Variants in SCRIB observed in about 807,000 individuals in gnomAD.
The protein encoded by SCRIB is scribble planar cell polarity protein, also known as protein scribble homolog.
A neutral mutation model predicts 170.0 loss-of-function variants in SCRIB; 72 were observed. That is an observed-to-expected ratio of 0.42 (90% CI 0.35 to 0.52). SCRIB has a LOEUF of 0.52. SCRIB is among the 20% of genes least tolerant of loss of function. SCRIB has a pLI of 0.02. For synonymous variants in SCRIB, 1,298 were observed against 1,044.3 expected, an observed-to-expected ratio of 1.24 and a Z score of -4.68; for missense variants, 2,475 against 2,338.5, an observed-to-expected ratio of 1.06 and a Z score of -1.20.
Position 143,804,704 on chromosome 8 carries a change from G to T in SCRIB, c.2873C>A (p.Pro958His). 1 of 1,581,016 alleles carries T rather than the reference G, an allele frequency of 6.3e-7. No homozygotes were observed. The highest frequency in any genetic ancestry group is 8.6e-7 in the Non-Finnish European group (1 of 1,162,528). The change falls in exon 21 of 37, where the codon CCT becomes CAT. Residue 958 changes from proline to histidine, a missense_variant. Around this residue, in one of 3 missense-constraint regions of SCRIB, gnomAD observed 1,966 missense variants for 1,742.9 expected, o/e 1.13. Coordinates refer to ENST00000356994, the MANE Select transcript of SCRIB (RefSeq NM_182706.5). ...GGTGGGGGGTGAGGAATGTGGCAGA[G>T]GGCTGGGAGGAAGAGGGCCCCCAGC... ...REAGGPLPPSPLPHSSPPTAA... is the reference protein window; with the variant it reads ...REAGGPLPPSHLPHSSPPTAA...
chr8:143,791,845 T>C (rs781809249), intron 34 of SCRIB, 31 bp downstream of exon 34: 1 of 1,447,150 alleles, frequency 6.9e-7, no homozygotes, highest in South Asian at 1.4e-5. Flanking sequence ...GCCTCGGGGG[T>C]GAAGGGAAGG....
intron 21 of SCRIB, 41 bp downstream of exon 21, chr8:143,804,527 C>T: frequency 3.4e-6 from 5 of 1,483,058 alleles, no homozygotes; most frequent in Non-Finnish European, 4.5e-6. Flanking sequence ...GTGCCCACAG[C>T]TGAAGCTGGG....
At position 143,790,998 on chromosome 8, in the gene SCRIB, G is replaced by T; in HGVS notation, c.*165C>A. On this transcript the variant is annotated 3_prime_UTR_variant, in exon 37 of 37. Transcript: ENST00000356994. Reference sequence around the variant, plus strand: ...GGTTGTACAAACATCACTAGTTACAGTCTCGCCGAGGTCTCGGCTGGGGTG... The same window carrying T: ...GGTTGTACAAACATCACTAGTTACATTCTCGCCGAGGTCTCGGCTGGGGTG... 1.6e-6 allele frequency: 1 copy of T among 614,110 alleles called. No homozygotes were observed. The highest frequency in any genetic ancestry group is 2.4e-6 in the Non-Finnish European group (1 of 410,068). 38.0% of individuals were successfully genotyped at this position (614,110 alleles called of 1,614,324 possible). A position where few individuals can be genotyped will look rare whatever the true frequency, so the allele number is the denominator to read the frequency against.
intron 24 of SCRIB, among the ~76,000 whole-genome samples, chr8:143,797,070 T>C (rs910662473): frequency 1.3e-5 from 2 of 152,010 alleles, no homozygotes; most frequent in East Asian, 1.9e-4. Context: ...ACTAAAAGGA[T>C]CCAGCGCTCC....
At position 143,810,919 on chromosome 8, in the gene SCRIB, G is replaced by C. The variant is rs758048834; in HGVS notation, c.1260C>G (p.Pro420=). ...VLTCYLLPQQ[P]PPSLEDAGQQ... ...CCAACAACCTACCGAGGCTGGGTGG[G>C]GGCTGCTGGGGCAGCAAGTAGCAGG... Residue 420 remains proline, a synonymous_variant, in exon 11 of 37, where the codon CCC becomes CCG. Transcript: ENST00000356994. 29 of 1,611,376 alleles carry C rather than the reference G, an allele frequency of 1.8e-5. No homozygotes were observed. In the African/African-American group the frequency reaches 2.3e-4, roughly 13 times the overall value.
chr8:143,795,007 A>T, intron 27 of SCRIB, 31 bp downstream of exon 27: 1 of 1,596,770 alleles, frequency 6.3e-7, no homozygotes, highest in Non-Finnish European at 8.6e-7. Context: ...AACAGGACGG[A>T]GGTGGGGGGC....
intron 26 of SCRIB, 21 bp from the exon 27 acceptor site, chr8:143,795,133 G>A: frequency 1.2e-6 from 2 of 1,608,644 alleles, no homozygotes; most frequent in East Asian, 2.2e-5. Context: ...AGTGAACACA[G>A]CACTAGCAGG....
chr8:143,795,081 T>C lies in SCRIB; in HGVS notation c.3803A>G (p.Tyr1268Cys). The C allele has an allele frequency of 1.2e-6, 2 of 1,611,072 alleles. No homozygotes were observed. Among genetic ancestry groups the C allele is most frequent in the Non-Finnish European group, 1.7e-6 (2 of 1,179,308 alleles). Reference sequence around the variant, plus strand: ...GCTGGGCACGGCGGCCAGGGCGCGGTAGTCCAGCTTCAGGGGCTGCAGACC... The same window carrying C: ...GCTGGGCACGGCGGCCAGGGCGCGGCAGTCCAGCTTCAGGGGCTGCAGACC... The part of the protein sequence containing the change: ...GRGLQPLKLD[Y>C]RALAAVPSAG... The change falls in exon 27 of 37, where the codon TAC (tyrosine) becomes TGC (cysteine). Residue 1268 changes from tyrosine to cysteine, a missense_variant. This residue lies in a region of SCRIB where 1,966 missense variants were observed against 1,742.9 expected (regional missense o/e 1.13). Transcript: ENST00000356994.
intron 24 of SCRIB, among the ~76,000 whole-genome samples, chr8:143,800,981 T>C (rs1815151235): frequency 6.6e-6 from 1 of 152,232 alleles, no homozygotes; most frequent in African/African-American, 2.4e-5. Flanking sequence ...CAATAGAAAC[T>C]TTTCAAGACA....
intron 14 of SCRIB, among the ~76,000 whole-genome samples, 196 bp from the exon 15 acceptor site, chr8:143,809,221 C>T (rs563718536): frequency 8.5e-5 from 13 of 152,248 alleles, no homozygotes; most frequent in African/African-American, 2.9e-4. Context: ...CCTGGAGACA[C>T]GCAGCGCCCC....
chr8:143,791,774 G>A lies in SCRIB; in HGVS notation c.4696-34C>T, dbSNP rs782369052. 5 of 1,529,712 alleles carry A rather than the reference G, an allele frequency of 3.3e-6. No homozygotes were observed. The African/African-American group carries it at 5.5e-5, about 17-fold the overall frequency. 94.8% of individuals were successfully genotyped at this position (1,529,712 alleles called of 1,614,324 possible). A position where few individuals can be genotyped will look rare whatever the true frequency, so the allele number is the denominator to read the frequency against. On this transcript the variant is annotated intron_variant, in intron 34 of 36. Coordinates refer to ENST00000356994, the MANE Select transcript of SCRIB (RefSeq NM_182706.5). ...GACAGCGTGAGGGGAGAGGCAGAGA[G>A]TGAGAGGAAAGGGGGGGATGAGGGC...
chr8:143,811,478 G>A (rs1438737240), intron 9 of SCRIB, 133 bp from the exon 10 acceptor site: 3 of 755,776 alleles, frequency 4.0e-6, no homozygotes, highest in Admixed American at 5.0e-5. Flanking sequence ...CTGGAGACCG[G>A]GACAAGGACC....
chr8:143,793,633 A>C lies in SCRIB; in HGVS notation c.3909+267T>G, dbSNP rs537873715. 1,200 of 454,058 alleles carry C rather than the reference A, an allele frequency of 2.6e-3. 28 individuals are homozygous for C. The Admixed American group carries it at 0.036, about 14-fold the overall frequency. 28.1% of individuals were successfully genotyped at this position (454,058 alleles called of 1,614,324 possible). A position where few individuals can be genotyped will look rare whatever the true frequency, so the allele number is the denominator to read the frequency against. On this transcript the variant is annotated intron_variant, in intron 28 of 36. Transcript: ENST00000356994. ...GGCCCTGGGAGGTGTTGGGCCTGAGACACTGACTGGGGTCTCAGGAGCTTG... is the reference window on the plus strand; with the variant it reads ...GGCCCTGGGAGGTGTTGGGCCTGAGCCACTGACTGGGGTCTCAGGAGCTTG...
chr8:143,814,090 T>C lies in SCRIB; in HGVS notation c.188A>G (p.Lys63Arg). The C allele has an allele frequency of 6.4e-7, 1 of 1,554,198 alleles. No homozygotes were observed. Among genetic ancestry groups the C allele is most frequent in the Non-Finnish European group, 8.7e-7 (1 of 1,148,598 alleles). The change falls in exon 2 of 37, where the codon AAG becomes AGG. Residue 63 changes from lysine (K) to arginine (R), a missense_variant. Around this residue, in one of 3 missense-constraint regions of SCRIB, gnomAD observed 487 missense variants for 558.1 expected, o/e 0.87. Coordinates refer to ENST00000356994, the MANE Select transcript of SCRIB (RefSeq NM_182706.5). ...KPFFRLLNLR[K>R]LGLSDNEIQR... is the part of the protein sequence containing the mutation. Reference sequence around the variant, plus strand: ...GATCTCGTTGTCGCTCAGGCCCAGCTTGCGCAAGTTCAGCAGCCGGAAAAA... The same window carrying C: ...GATCTCGTTGTCGCTCAGGCCCAGCCTGCGCAAGTTCAGCAGCCGGAAAAA...
intron 28 of SCRIB, 153 bp from the exon 29 acceptor site, chr8:143,793,236 C>T (rs1335531447): frequency 9.5e-6 from 5 of 528,438 alleles, no homozygotes; most frequent in Non-Finnish European, 1.3e-5. Context: ...GCCACCCCCA[C>T]CCACGGGACA....
chr8:143,809,924 G>A (rs1015207711), intron 13 of SCRIB, among the ~76,000 whole-genome samples: 3 of 152,266 alleles, frequency 2.0e-5, no homozygotes, highest in South Asian at 2.1e-4. Context: ...ACAAAGCCAC[G>A]GTTCCACAGC....
intron 31 of SCRIB, 36 bp downstream of exon 31, chr8:143,792,449 G>C (rs1165264308): frequency 6.6e-7 from 1 of 1,512,580 alleles, no homozygotes; most frequent in Admixed American, 2.0e-5. Flanking sequence ...GGGGCACGTG[G>C]GGTGAGTAGG....
chr8:143,804,310 C>G (rs1254602420), intron 21 of SCRIB, among the ~76,000 whole-genome samples, 154 bp from the exon 22 acceptor site: 1 of 152,262 alleles, frequency 6.6e-6, no homozygotes, highest in Non-Finnish European at 1.5e-5. Context: ...TTCTGCTGCC[C>G]AGGCAGGCAC....
chr8:143,808,546 A>G, intron 15 of SCRIB, 63 bp downstream of exon 15: 1 of 1,483,486 alleles, frequency 6.7e-7, no homozygotes, highest in Non-Finnish European at 8.9e-7. Context: ...CTCCTGCCGC[A>G]GCCCTGGGTG....
Sources: allele counts gnomAD v4.1 joint callset (sites outside exome capture counted in the v4.1 genomes callset), GRCh38; gene constraint gnomAD v4.1.1; regional missense constraint gnomAD v4.1.1; transcripts MANE v1.5; gene names NCBI Gene and HGNC (gene_info 2026-07-23, HGNC 2026-07-21).